SLC35F1: variants seen among roughly 807,000 people sequenced by gnomAD.
SLC35F1 encodes the protein chromosome 6 open reading frame 169.
Under a neutral mutation model 48.7 loss-of-function variants are expected in SLC35F1, and 14 were observed. That is an observed-to-expected ratio of 0.29 (90% CI 0.19 to 0.45). SLC35F1 has a LOEUF of 0.45. SLC35F1 is among the 20% of genes least tolerant of loss of function. The probability of loss-of-function intolerance (pLI) is 1.00; values close to 1 mark genes in which losing one functional copy is unlikely to be tolerated. For missense variants in SLC35F1, 404 were observed against 500.0 expected, an observed-to-expected ratio of 0.81 and a Z score of 1.83; for synonymous variants, 190 against 202.2, an observed-to-expected ratio of 0.94 and a Z score of 0.51.
At chr6:118,293,759 A>G (rs1477822580) in intron 7 of SLC35F1, among the ~76,000 whole-genome samples, 3 of 152,194 alleles carry the variant, frequency 2.0e-5, no homozygotes, top group Non-Finnish European at 4.4e-5. Context: ...TGAATTTCCT[A>G]ACTGATTTTT....
At chr6:117,909,834 T>A (rs1775740822) in intron 1 of SLC35F1, among the ~76,000 whole-genome samples, 1 of 152,174 alleles carries the variant, frequency 6.6e-6, no homozygotes, top group African/African-American at 2.4e-5. Flanking sequence ...ATCTGTGACA[T>A]GAGTTGTACT....
At chr6:118,283,231 G>A (rs1776006772) in intron 6 of SLC35F1, among the ~76,000 whole-genome samples, 1 of 152,020 alleles carries the variant, frequency 6.6e-6, no homozygotes, top group Non-Finnish European at 1.5e-5. Context: ...TCCTCTCCTG[G>A]CAATCTCCTT....
At chr6:118,263,666 GA>G (rs11308936) in intron 3 of SLC35F1, among the ~76,000 whole-genome samples, 1,722 of 152,208 alleles carry the variant, frequency 0.011, 31 homozygotes, top group African/African-American at 0.04. Context: ...ATGGCAATCA[GA>G]AGAGGAGTTT....
At chr6:118,009,550 C>G (rs796554161) in intron 1 of SLC35F1, among the ~76,000 whole-genome samples, 3 of 152,286 alleles carry the variant, frequency 2.0e-5, no homozygotes, top group African/African-American at 7.2e-5. Context: ...CCCTGTGCCT[C>G]CACATTAATG....
At chr6:118,098,252 C>T (rs1053495427) in intron 1 of SLC35F1, among the ~76,000 whole-genome samples, 1 of 152,096 alleles carries the variant, frequency 6.6e-6, no homozygotes, top group African/African-American at 2.4e-5. Context: ...TACCATCCTC[C>T]TACAATTAAG....
chr6:118,209,394 T>C (rs1042451361), intron 2 of SLC35F1, among the ~76,000 whole-genome samples: 5 of 152,236 alleles, frequency 3.3e-5, no homozygotes, highest in Non-Finnish European at 5.9e-5. Flanking sequence ...AAGTACTTGT[T>C]CTTTTAAAAT....
intron 1 of SLC35F1, among the ~76,000 whole-genome samples, chr6:117,983,340 G>C (rs1776806750): frequency 1.3e-5 from 2 of 152,276 alleles, no homozygotes; most frequent in South Asian, 4.1e-4. Flanking sequence ...ACTTTGGGAG[G>C]CTGAGGCTGG....
chr6:118,047,646 G>A (rs537758113), intron 1 of SLC35F1, among the ~76,000 whole-genome samples: 1 of 151,988 alleles, frequency 6.6e-6, no homozygotes, highest in Non-Finnish European at 1.5e-5. Flanking sequence ...TTGTAATAAC[G>A]GGAATTTACT....
intron 1 of SLC35F1, among the ~76,000 whole-genome samples, chr6:118,110,145 G>C (rs552550407): frequency 6.6e-6 from 1 of 152,190 alleles, no homozygotes; most frequent in East Asian, 1.9e-4. Context: ...AAGAACCTCT[G>C]GTTTCAGGTC....
chr6:118,029,853 C>T (rs1364627745), intron 1 of SLC35F1, among the ~76,000 whole-genome samples: 1 of 152,166 alleles, frequency 6.6e-6, no homozygotes, highest in Non-Finnish European at 1.5e-5. Flanking sequence ...AAGAGGGGAA[C>T]TATAGTATGC....
intron 1 of SLC35F1, among the ~76,000 whole-genome samples, chr6:118,006,960 T>C (rs1777181824): frequency 6.6e-6 from 1 of 152,098 alleles, no homozygotes; most frequent in Non-Finnish European, 1.5e-5. Context: ...ATTTTCTTAA[T>C]TTTTCAGAAA....
At chr6:118,138,551 C>T (rs1406702230) in intron 1 of SLC35F1, among the ~76,000 whole-genome samples, 1 of 152,160 alleles carries the variant, frequency 6.6e-6, no homozygotes, top group African/African-American at 2.4e-5. Flanking sequence ...ACAAGGCCAA[C>T]TCTGCCTTTT....
At chr6:118,249,635 CT>C (rs1384557380) in intron 3 of SLC35F1, among the ~76,000 whole-genome samples, 1 of 152,176 alleles carries the variant, frequency 6.6e-6, no homozygotes, top group Non-Finnish European at 1.5e-5. Flanking sequence ...CTTCGAGCTG[CT>C]TTTTGACTGA....
intron 1 of SLC35F1, among the ~76,000 whole-genome samples, chr6:118,138,971 A>AAC (rs58109876): frequency 0.43 from 63,834 of 149,930 alleles, 13,916 homozygotes; most frequent in Middle Eastern, 0.54. Context: ...TTTCAGCAGA[A>AAC]ACACACACAC....
intron 1 of SLC35F1, among the ~76,000 whole-genome samples, chr6:118,079,483 C>G (rs1772873790): frequency 6.6e-6 from 1 of 152,130 alleles, no homozygotes; most frequent in Non-Finnish European, 1.5e-5. Flanking sequence ...CAATTATCTG[C>G]TTGAGTCCCT....
chr6:118,126,987 A>G, intron 1 of SLC35F1, among the ~76,000 whole-genome samples: 1 of 151,850 alleles, frequency 6.6e-6, no homozygotes, highest in East Asian at 1.9e-4. Flanking sequence ...TCTCCTGCCT[A>G]ATTGCCCTGG....
At chr6:118,119,351 A>G (rs1380045815) in intron 1 of SLC35F1, among the ~76,000 whole-genome samples, 1 of 152,198 alleles carries the variant, frequency 6.6e-6, no homozygotes, top group Non-Finnish European at 1.5e-5. Flanking sequence ...TAATTTTCAC[A>G]TGCTGTTTAT....
intron 7 of SLC35F1, among the ~76,000 whole-genome samples, chr6:118,290,180 A>T (rs1273159165): frequency 6.6e-6 from 1 of 152,042 alleles, no homozygotes; most frequent in African/African-American, 2.4e-5. Context: ...TTAGCTTCTA[A>T]GTTTTTGTTC....
chr6:117,984,415 C>T (rs1013529846), intron 1 of SLC35F1, among the ~76,000 whole-genome samples: 4 of 148,432 alleles, frequency 2.7e-5, no homozygotes, highest in African/African-American at 5.0e-5. Context: ...AGGAGAATGG[C>T]GTGAACCTCG....
Sources: allele counts gnomAD v4.1 joint callset (sites outside exome capture counted in the v4.1 genomes callset), GRCh38; gene constraint gnomAD v4.1.1; transcripts MANE v1.5; gene names NCBI Gene and HGNC (gene_info 2026-07-23, HGNC 2026-07-21).